The following NALF1 variants were observed in gnomAD, a reference collection of about 807,000 sequenced individuals.
NALF1 encodes the protein family with sequence similarity 155 member A.
A neutral mutation model predicts 48.4 loss-of-function variants in NALF1; 3 were observed. That is an observed-to-expected ratio of 0.06 (90% confidence interval 0.03 to 0.16). NALF1 has a LOEUF of 0.16. Ranked by LOEUF, NALF1 falls within the 10% of genes least tolerant of loss-of-function variation. The pLI, the probability that NALF1 is intolerant of heterozygous loss-of-function variation, is 1.00. For missense variants in NALF1, 526 were observed against 571.5 expected, an observed-to-expected ratio of 0.92 and a Z score of 0.81; for synonymous variants, 262 against 245.7, an observed-to-expected ratio of 1.07 and a Z score of -0.62.
chr13:107,686,777 T>C (rs1328839721), intron 1 of NALF1, among the ~76,000 whole-genome samples: 2 of 152,058 alleles, frequency 1.3e-5, no homozygotes, highest in East Asian at 1.9e-4. Flanking sequence ...AGAATGGCTA[T>C]TAATAAAAAG....
chr13:107,413,219 T>C (rs1003992359), intron 1 of NALF1, among the ~76,000 whole-genome samples: 3 of 152,174 alleles, frequency 2.0e-5, no homozygotes, highest in Admixed American at 6.6e-5. Flanking sequence ...GCACAATAGA[T>C]GTTTATGTAC....
intron 2 of NALF1, among the ~76,000 whole-genome samples, chr13:107,196,848 TG>T (rs1360699746): frequency 6.6e-6 from 1 of 152,066 alleles, no homozygotes; most frequent in Non-Finnish European, 1.5e-5. Context: ...CCACAGGGGT[TG>T]GGGGGAGGTG....
At chr13:107,417,157 C>T (rs1203252225) in intron 1 of NALF1, among the ~76,000 whole-genome samples, 6 of 152,224 alleles carry the variant, frequency 3.9e-5, no homozygotes, top group Admixed American at 2.0e-4. Flanking sequence ...TTTCTTTCTT[C>T]CTAACATCAT....
At chr13:107,719,265 C>T (rs1250271297) in intron 1 of NALF1, among the ~76,000 whole-genome samples, 1 of 152,080 alleles carries the variant, frequency 6.6e-6, no homozygotes, top group Non-Finnish European at 1.5e-5. Context: ...CTTGAATTTT[C>T]TAGTATTTAA....
At chr13:107,605,771 T>C (rs919145025) in intron 1 of NALF1, among the ~76,000 whole-genome samples, 2 of 152,238 alleles carry the variant, frequency 1.3e-5, no homozygotes, top group African/African-American at 4.8e-5. Flanking sequence ...AAGTCCCTGC[T>C]GCTGGGAAAC....
At chr13:107,238,954 T>C (rs944021484) in intron 1 of NALF1, among the ~76,000 whole-genome samples, 2 of 152,012 alleles carry the variant, frequency 1.3e-5, no homozygotes, top group African/African-American at 4.8e-5. Flanking sequence ...TGGATTTTAA[T>C]GGTGCAAGAT....
intron 1 of NALF1, among the ~76,000 whole-genome samples, chr13:107,692,413 T>TA (rs559018223): frequency 2.5e-3 from 379 of 152,336 alleles, no homozygotes; most frequent in African/African-American, 8.8e-3. Flanking sequence ...TTGATACAGA[T>TA]ACACAATGTA....
intron 1 of NALF1, among the ~76,000 whole-genome samples, chr13:107,221,629 T>C (rs1879996020): frequency 6.6e-6 from 1 of 152,138 alleles, no homozygotes; most frequent in Non-Finnish European, 1.5e-5. Flanking sequence ...TATCAGTTAT[T>C]TTGCCAGGTG....
intron 1 of NALF1, among the ~76,000 whole-genome samples, chr13:107,846,267 T>C (rs903883613): frequency 1.3e-5 from 2 of 152,194 alleles, no homozygotes; most frequent in East Asian, 1.9e-4. Flanking sequence ...AAACCCACCA[T>C]GTTCTAGATA....
chr13:107,695,531 C>T (rs1438686642), intron 1 of NALF1, among the ~76,000 whole-genome samples: 5 of 152,108 alleles, frequency 3.3e-5, no homozygotes, highest in South Asian at 2.1e-4. Context: ...TTCCTTCCTA[C>T]TTAGACACCT....
chr13:107,406,595 A>C (rs533301086), intron 1 of NALF1, among the ~76,000 whole-genome samples: 3 of 152,146 alleles, frequency 2.0e-5, no homozygotes, highest in African/African-American at 7.2e-5. Flanking sequence ...TACCCAAAGC[A>C]ATCTACAGAT....
At chr13:107,534,600 T>C (rs2139111711) in intron 1 of NALF1, among the ~76,000 whole-genome samples, 1 of 152,258 alleles carries the variant, frequency 6.6e-6, no homozygotes, top group South Asian at 2.1e-4. Flanking sequence ...AATGTTAATT[T>C]TATAATATAC....
intron 1 of NALF1, among the ~76,000 whole-genome samples, chr13:107,782,786 C>T (rs1332135252): frequency 6.6e-6 from 1 of 151,602 alleles, no homozygotes; most frequent in Non-Finnish European, 1.5e-5. Flanking sequence ...CCAGCCGCCC[C>T]ATCTGAGAAG....
At chr13:107,529,698 T>C (rs982693842) in intron 1 of NALF1, among the ~76,000 whole-genome samples, 1 of 152,122 alleles carries the variant, frequency 6.6e-6, no homozygotes, top group African/African-American at 2.4e-5. Flanking sequence ...GATTGGAAGA[T>C]GTGATGAATT....
intron 2 of NALF1, among the ~76,000 whole-genome samples, chr13:107,174,240 C>G (rs901358010): frequency 6.6e-6 from 1 of 152,086 alleles, no homozygotes; most frequent in African/African-American, 2.4e-5. Flanking sequence ...GTTGTCTGCA[C>G]AAAATAACAA....
chr13:107,330,913 T>C (rs1882456617), intron 1 of NALF1, among the ~76,000 whole-genome samples: 1 of 152,232 alleles, frequency 6.6e-6, no homozygotes, highest in African/African-American at 2.4e-5. Flanking sequence ...AGCCTTTTTC[T>C]ATGTCTGCAT....
chr13:107,351,578 C>T (rs1407524806), intron 1 of NALF1, among the ~76,000 whole-genome samples: 1 of 152,234 alleles, frequency 6.6e-6, no homozygotes, highest in Non-Finnish European at 1.5e-5. Flanking sequence ...CTTTGAGCCT[C>T]TGGAACCAAT....
chr13:107,618,638 A>T (rs752011389), intron 1 of NALF1, among the ~76,000 whole-genome samples: 3 of 152,114 alleles, frequency 2.0e-5, no homozygotes, highest in Non-Finnish European at 2.9e-5. Flanking sequence ...TGAATTTGAG[A>T]TGCAATTTGG....
At chr13:107,507,040 G>T (rs1875717610) in intron 1 of NALF1, among the ~76,000 whole-genome samples, 1 of 151,952 alleles carries the variant, frequency 6.6e-6, no homozygotes, top group Non-Finnish European at 1.5e-5. Context: ...AAAGACTGCT[G>T]AATTTCTTGT....
Sources: allele counts gnomAD v4.1 joint callset (sites outside exome capture counted in the v4.1 genomes callset), GRCh38; gene constraint gnomAD v4.1.1; transcripts MANE v1.5; gene names NCBI Gene and HGNC (gene_info 2026-07-23, HGNC 2026-07-21).